Variants in KIF5B observed in about 807,000 individuals in gnomAD.
The protein encoded by KIF5B is kinesin family member 5B, also known as kinesin-1 heavy chain.
KIF5B carries 49 observed loss-of-function variants against 132.8 expected under a neutral mutation model. That is an observed-to-expected ratio of 0.37 (90% CI 0.29 to 0.47). The LOEUF is 0.47. Ranked by LOEUF, KIF5B falls within the 20% of genes least tolerant of loss-of-function variation. The probability of loss-of-function intolerance (pLI) is 1.00; values close to 1 mark genes in which losing one functional copy is unlikely to be tolerated. For missense variants in KIF5B, 780 were observed against 1,144.0 expected (o/e 0.68, Z 4.59); for synonymous variants, 355 against 369.4 (o/e 0.96, Z 0.45).
At chr10:32,044,892 T>G (rs1475439739) in intron 2 of KIF5B, among the ~76,000 whole-genome samples, 2 of 152,110 alleles carry the variant, frequency 1.3e-5, no homozygotes, top group Non-Finnish European at 2.9e-5. Flanking sequence ...CTTACCATAT[T>G]ACAGAGAAGG....
At chr10:32,016,226 G>A (rs1051438785) in intron 24 of KIF5B, among the ~76,000 whole-genome samples, 2 of 152,116 alleles carry the variant, frequency 1.3e-5, no homozygotes, top group African/African-American at 4.8e-5. Flanking sequence ...GGAGGCCGAG[G>A]CAGGTGGATC....
At chr10:32,025,151 T>C (rs1841318112) in intron 15 of KIF5B, among the ~76,000 whole-genome samples, 1 of 152,116 alleles carries the variant, frequency 6.6e-6, no homozygotes, top group Non-Finnish European at 1.5e-5. Flanking sequence ...ACACCATACA[T>C]TAGTAAAATC....
chr10:32,026,994 T>C lies in KIF5B; in HGVS notation c.1725+1434A>G, dbSNP rs531270131. Among the ~76,000 whole-genome samples, 4 of 152,310 alleles carry C rather than the reference T, an allele frequency of 2.6e-5. No individual in the cohort carries two copies. In the South Asian group the frequency reaches 8.3e-4, roughly 32 times the overall value. On this transcript the variant is annotated intron_variant, in intron 15 of 25. Coordinates refer to ENST00000302418, the MANE Select transcript of KIF5B (RefSeq NM_004521.3). ...CTCCATCAACAAACAGTAACTTTTA[T>C]TTTGTTGATTTTATCTTTTATTCTT...
Position 32,056,138 on chromosome 10 carries a change from T to G in KIF5B, c.-165A>C, listed in dbSNP as rs1449376254. On this transcript the variant is annotated 5_prime_UTR_variant, in exon 1 of 26. Coordinates refer to ENST00000302418, the MANE Select transcript of KIF5B (RefSeq NM_004521.3). ...TGGAGGCGGCCGGGGAGCCGGGACT[T>G]GAAGAGCCGGCGCCGGCAGCCGTTA... 1 of 743,078 alleles carries G rather than the reference T, an allele frequency of 1.3e-6. No homozygotes were observed. Among genetic ancestry groups the G allele is most frequent in the African/African-American group, 1.9e-5 (1 of 53,694 alleles). The allele number at this position is 743,078 out of a possible 1,614,324, so 46.0% of individuals were successfully genotyped here. A position where few individuals can be genotyped will look rare whatever the true frequency, so the allele number is the denominator to read the frequency against.
chr10:32,018,707 C>CTGTGCTG, intron 20 of KIF5B, 145 bp from the exon 21 acceptor site: 1 of 655,372 alleles, frequency 1.5e-6, no homozygotes. Context: ...AACAATTTAC[C>CTGTGCTG]TGTGCTGTCT....
intron 17 of KIF5B, among the ~76,000 whole-genome samples, chr10:32,021,685 A>G (rs1227796935): frequency 6.6e-6 from 1 of 152,104 alleles, no homozygotes; most frequent in Non-Finnish European, 1.5e-5. Flanking sequence ...ATATATATAT[A>G]TGTTTTGACA....
At position 32,048,502 on chromosome 10, in the gene KIF5B, T is replaced by C; in HGVS notation, c.176A>G (p.Glu59Gly). 6.2e-7 allele frequency: 1 copy of C among 1,613,730 alleles called. No homozygotes were observed. The highest frequency in any genetic ancestry group is 8.5e-7 in the Non-Finnish European group (1 of 1,179,824). Residue 59 changes from glutamate to glycine, a missense_variant, in exon 2 of 26, where the codon GAG becomes GGG. Around this residue, in one of 9 missense-constraint regions of KIF5B, gnomAD observed 66 missense variants for 83.4 expected, o/e 0.79. Coordinates refer to ENST00000302418, the MANE Select transcript of KIF5B (RefSeq NM_004521.3). ...DRVFQSSTSQ[E>G]QVYNDCAKKI... ...CTTTGCACAGTCATTATACACTTGC[T>C]CTTGAGATGTGCTTGACTGGAACAC...
Position 32,021,040 on chromosome 10 carries a change from A to C in KIF5B, c.2186T>G (p.Leu729Arg). 1 of 1,596,176 alleles carries C rather than the reference A, an allele frequency of 6.3e-7. No homozygotes were observed. The highest frequency in any genetic ancestry group is 2.2e-5 in the East Asian group (1 of 44,756). The change falls in exon 19 of 26, where the codon CTT (leucine) becomes CGT (arginine). Residue 729 changes from leucine to arginine, a missense_variant. Transcript: ENST00000302418. ...TACTTACTCTTGAAGATCAGTAATA[A>C]GTTTTGCTTTTGCTTCTACTTCATC... ...LRDEVEAKAK[L>R]ITDLQDQNQK...
At chr10:32,035,857 G>A (rs1235328045) in intron 9 of KIF5B, 33 bp downstream of exon 9, 2 of 1,510,744 alleles carry the variant, frequency 1.3e-6, no homozygotes, top group South Asian at 2.3e-5. Context: ...TGCCCCATAA[G>A]GTAACAGGGA....
At position 32,022,127 on chromosome 10, in the gene KIF5B, T is replaced by G. The variant is rs371999150; in HGVS notation, c.2032+13A>C. 1.5e-6 allele frequency: 2 copies of G among 1,320,556 alleles called. No individual in the cohort carries two copies. Among genetic ancestry groups the G allele is most frequent in the African/African-American group, 2.9e-5 (2 of 68,324 alleles). The allele number at this position is 1,320,556 out of a possible 1,614,324, so 81.8% of individuals were successfully genotyped here. A position where few individuals can be genotyped will look rare whatever the true frequency, so the allele number is the denominator to read the frequency against. Reference sequence around the variant, plus strand: ...GAACACAGATGTAACTCATAAACAGTTGGAAGCTATACCTTGTGCTCGAAG... The same window carrying G: ...GAACACAGATGTAACTCATAAACAGGTGGAAGCTATACCTTGTGCTCGAAG... On this transcript the variant is annotated intron_variant, in intron 17 of 25. Coordinates refer to ENST00000302418, the MANE Select transcript of KIF5B (RefSeq NM_004521.3).
At chr10:32,036,641 T>C (rs1344829883) in intron 8 of KIF5B, among the ~76,000 whole-genome samples, 2 of 152,180 alleles carry the variant, frequency 1.3e-5, no homozygotes, top group Non-Finnish European at 2.9e-5. Flanking sequence ...GCTGAAGAAA[T>C]AGCTTAGGAG....
intron 10 of KIF5B, 138 bp from the exon 11 acceptor site, chr10:32,034,976 CAT>C (rs1420290982): frequency 1.9e-6 from 1 of 539,290 alleles, no homozygotes; most frequent in Non-Finnish European, 2.9e-6. Context: ...AAAGCCGCAA[CAT>C]ATGACGTTAT....
intron 1 of KIF5B, among the ~76,000 whole-genome samples, chr10:32,049,371 C>G (rs1440149530): frequency 6.6e-6 from 1 of 152,048 alleles, no homozygotes; most frequent in Non-Finnish European, 1.5e-5. Context: ...ACGGAAACAC[C>G]CTTGGAGAAA....
intron 14 of KIF5B, among the ~76,000 whole-genome samples, chr10:32,029,737 TAAA>T (rs1841378285): frequency 6.6e-6 from 1 of 152,150 alleles, no homozygotes; most frequent in African/African-American, 2.4e-5. Context: ...AAGTGAAACA[TAAA>T]TATAACTGTC....
chr10:32,014,263 C>T (rs956645334), intron 25 of KIF5B, among the ~76,000 whole-genome samples: 5 of 152,038 alleles, frequency 3.3e-5, no homozygotes, highest in Non-Finnish European at 7.4e-5. Flanking sequence ...TGGTGGTGCA[C>T]GCCTGTAATC....
chr10:32,031,607 G>C (rs1274482166), intron 13 of KIF5B, among the ~76,000 whole-genome samples: 1 of 152,064 alleles, frequency 6.6e-6, no homozygotes, highest in East Asian at 1.9e-4. Flanking sequence ...ACAGGAAAGA[G>C]TATTCATTCA....
Position 32,044,043 on chromosome 10 carries a change from C to T in KIF5B, c.215-3586G>A, listed in dbSNP as rs867000955. ...GTCCTCACACCTCCCTAGGTACCCACGACCTACCCCTACGCCATCTTTCTC... is the reference window on the plus strand; with the variant it reads ...GTCCTCACACCTCCCTAGGTACCCATGACCTACCCCTACGCCATCTTTCTC... On this transcript the variant is annotated intron_variant, in intron 2 of 25. Coordinates refer to ENST00000302418, the MANE Select transcript of KIF5B (RefSeq NM_004521.3). 6.6e-5 allele frequency among the ~76,000 whole-genome samples: 10 copies of T among 152,304 alleles called. No homozygotes were observed. In the South Asian group the frequency reaches 1.4e-3, roughly 22 times the overall value.
chr10:32,052,389 T>C (rs1262153186), intron 1 of KIF5B, among the ~76,000 whole-genome samples: 1 of 152,244 alleles, frequency 6.6e-6, no homozygotes, highest in Non-Finnish European at 1.5e-5. Flanking sequence ...AATGTTGTTT[T>C]GCTTAGGCAA....
chr10:32,012,733 A>G (rs1419456340), intron 25 of KIF5B, among the ~76,000 whole-genome samples: 1 of 152,098 alleles, frequency 6.6e-6, no homozygotes, highest in East Asian at 1.9e-4. Context: ...CAATGAGGTA[A>G]GTTTAAAGTT....
Sources: allele counts gnomAD v4.1 joint callset (sites outside exome capture counted in the v4.1 genomes callset), GRCh38; gene constraint gnomAD v4.1.1; regional missense constraint gnomAD v4.1.1; transcripts MANE v1.5; gene names NCBI Gene and HGNC (gene_info 2026-07-23, HGNC 2026-07-21).